Variants in SLC52A3 observed in about 807,000 individuals in gnomAD.
SLC52A3 encodes solute carrier family 52, riboflavin transporter, member 3.
In SLC52A3, 20 loss-of-function variants were observed where a neutral mutation model predicts 29.5. That is an observed-to-expected ratio of 0.68 (90% CI 0.48 to 0.99). The LOEUF (loss-of-function observed/expected upper bound fraction) is 0.99, where lower values mean the gene tolerates loss of function less well. Ranked by LOEUF, SLC52A3 falls within the 50% of genes least tolerant of loss-of-function variation. SLC52A3 has a pLI of 0.00. For synonymous variants in SLC52A3, 301 were observed against 271.0 expected (o/e 1.11, Z -1.09); for missense variants, 548 against 612.9 (o/e 0.89, Z 1.12).
intron 2 of SLC52A3, among the ~76,000 whole-genome samples, chr20:764,866 A>C (rs947488439): frequency 5.3e-5 from 8 of 152,228 alleles, no homozygotes; most frequent in Non-Finnish European, 4.4e-5. Context: ...TTTTATCTGC[A>C]TAACAGTGCA....
chr20:779,390 C>T (rs182539391), upstream of SLC52A3, among the ~76,000 whole-genome samples: 1 of 152,166 alleles, frequency 6.6e-6, no homozygotes, highest in Non-Finnish European at 1.5e-5. Context: ...GGGAGGCCAA[C>T]GCGGGTGGAT....
At chr20:770,518 C>G (rs1599964129), upstream of SLC52A3, among the ~76,000 whole-genome samples, 1 of 152,162 alleles carries the variant, frequency 6.6e-6, no homozygotes, top group East Asian at 1.9e-4. The surrounding 1 kb of genome is among the most constrained non-coding windows in gnomAD (Gnocchi z 4.5). Flanking sequence ...GAAGTTATTT[C>G]TAACCAGAAC....
At position 761,746 on chromosome 20, in the gene SLC52A3, G is replaced by A. The variant is rs762756504; in HGVS notation, c.1152C>T (p.Ser384=). The change falls in exon 4 of 5, where the codon AGC becomes AGT. Residue 384 remains serine, a synonymous_variant. Transcript: ENST00000645534. Reference sequence around the variant, plus strand: ...AGTGGCCCTGCAAGAGGGGGCAGGGGCTCATCACCGCCATGGCCATGTTGT... The same window carrying A: ...AGTGGCCCTGCAAGAGGGGGCAGGGACTCATCACCGCCATGGCCATGTTGT... ...GGYNMAMAVM[S]PCPLLQGHWG... is the part of the protein sequence containing the mutation. 2.3e-5 allele frequency: 37 copies of A among 1,614,082 alleles called. 1 individual carries two copies. The South Asian group carries it at 3.4e-4, about 15-fold the overall frequency.
intron 1 of SLC52A3, among the ~76,000 whole-genome samples, chr20:775,305 C>T (rs907444753): frequency 2.1e-5 from 3 of 144,212 alleles, no homozygotes; most frequent in Non-Finnish European, 3.0e-5. Context: ...GACAGGATGT[C>T]GCTCTGTCAC....
At position 763,520 on chromosome 20, in the gene SLC52A3, C is replaced by T. The variant is rs1210434851; in HGVS notation, c.1051G>A (p.Val351Ile). The change falls in exon 3 of 5, where the codon GTC (valine) becomes ATC (isoleucine). Residue 351 changes from valine to isoleucine, a missense_variant. Transcript: ENST00000645534. ...CACCTGTTAGGCAGGAACATGGAGACCAACGAGGCAAGAGGGTTGGCCACA... is the reference window on the plus strand; with the variant it reads ...CACCTGTTAGGCAGGAACATGGAGATCAACGAGGCAAGAGGGTTGGCCACA... The part of the protein sequence containing the change: ...SIVANPLASL[V>I]SMFLPNRSLL... 6.2e-7 allele frequency: 1 copy of T among 1,614,036 alleles called. No homozygotes were observed. The highest frequency in any genetic ancestry group is 1.3e-5 in the African/African-American group (1 of 75,040).
intron 4 of SLC52A3, 111 bp from the exon 5 acceptor site, chr20:761,349 G>T: frequency 8.2e-7 from 1 of 1,222,478 alleles, no homozygotes; most frequent in South Asian, 1.5e-5. Context: ...CTCTAGGTGC[G>T]AGGAGCGCCT....
Position 760,535 on chromosome 20 carries a change from T to G in SLC52A3, c.*491A>C, listed in dbSNP as rs1986420103. On this transcript the variant is annotated 3_prime_UTR_variant, in exon 5 of 5. Transcript: ENST00000645534. This position sits in a 1 kb window ranked among gnomAD's most constrained non-coding sequence, Gnocchi z 4.9. Reference sequence around the variant, plus strand: ...TGCCACTCTTGTTACTACGATGGACTGTCAGATCAGCAGGTGGCCCAGGAG... The same window carrying G: ...TGCCACTCTTGTTACTACGATGGACGGTCAGATCAGCAGGTGGCCCAGGAG... 1 of 168,176 alleles carries G rather than the reference T, an allele frequency of 5.9e-6. No homozygotes were observed. Among genetic ancestry groups the G allele is most frequent in the Non-Finnish European group, 1.3e-5 (1 of 77,094 alleles). The allele number at this position is 168,176 out of a possible 1,614,324, so 10.4% of individuals were successfully genotyped here.
rs142265627 is a variant in SLC52A3 at position 763,706 on chromosome 20, C to T, written c.865G>A (p.Glu289Lys). ...VDSSQGQGYL[E>K]EKAAPCCPAH... Reference sequence around the variant, plus strand: ...GGGCAGCAGGGGGCTGCTTTCTCCTCTAGATACCCCTGGCCCTGGCTGCTG... The same window carrying T: ...GGGCAGCAGGGGGCTGCTTTCTCCTTTAGATACCCCTGGCCCTGGCTGCTG... The change falls in exon 3 of 5, where the codon GAG (glutamate) becomes AAG (lysine). Residue 289 changes from glutamate to lysine, a missense_variant. This residue lies in a region of SLC52A3 where 375 missense variants were observed against 471.1 expected (regional missense o/e 0.80). Coordinates refer to ENST00000645534, the MANE Select transcript of SLC52A3 (RefSeq NM_033409.4). 110 of 1,614,162 alleles carry T rather than the reference C, an allele frequency of 6.8e-5. No homozygotes were observed. The African/African-American group carries it at 1.4e-3, about 20-fold the overall frequency.
upstream of SLC52A3, among the ~76,000 whole-genome samples, chr20:771,228 T>A (rs1986833731): frequency 6.6e-6 from 1 of 152,110 alleles, no homozygotes; most frequent in African/African-American, 2.4e-5. Context: ...AAGACCAGCC[T>A]CCAACTGGTC....
chr20:761,090 G>T lies in SLC52A3; in HGVS notation c.1346C>A (p.Pro449His). 1.9e-6 allele frequency: 3 copies of T among 1,609,420 alleles called. No individual in the cohort carries two copies. Among genetic ancestry groups the T allele is most frequent in the Non-Finnish European group, 2.5e-6 (3 of 1,178,532 alleles). Reference protein sequence around the residue: ...GSLLGALLMFPLVNVLRLFSS... With the variant: ...GSLLGALLMFHLVNVLRLFSS... ...GAAGAGCCGCAGCACGTTGACCAGA[G>T]GGAACATGAGCAGCGCTCCGAGCAG... The change falls in exon 5 of 5, where the codon CCT becomes CAT. Residue 449 changes from proline to histidine, a missense_variant. This residue lies in a region of SLC52A3 where 173 missense variants were observed against 141.8 expected (regional missense o/e 1.22). Coordinates refer to ENST00000645534, the MANE Select transcript of SLC52A3 (RefSeq NM_033409.4).
chr20:777,825 G>A (rs1157717112), upstream of SLC52A3, among the ~76,000 whole-genome samples: 1 of 152,116 alleles, frequency 6.6e-6, no homozygotes, highest in African/African-American at 2.4e-5. Flanking sequence ...AAACCAGAAT[G>A]TGCCACCCCC....
intron 3 of SLC52A3, among the ~76,000 whole-genome samples, chr20:762,920 G>A (rs539321409): frequency 9.2e-5 from 14 of 152,328 alleles, no homozygotes; most frequent in African/African-American, 1.4e-4. Flanking sequence ...CCTCAGAACC[G>A]TCTGGTTTCC....
upstream of SLC52A3, among the ~76,000 whole-genome samples, chr20:772,637 T>G (rs1986879186): frequency 6.6e-6 from 1 of 152,048 alleles, no homozygotes; most frequent in Non-Finnish European, 1.5e-5. Flanking sequence ...TACAGTGACC[T>G]TGCAGTTCTT....
chr20:770,629 A>G (rs1986819037), upstream of SLC52A3, among the ~76,000 whole-genome samples: 1 of 152,252 alleles, frequency 6.6e-6, no homozygotes, highest in East Asian at 1.9e-4. The surrounding 1 kb of genome is among the most constrained non-coding windows in gnomAD (Gnocchi z 4.5). Flanking sequence ...TAGGAATGCT[A>G]GGATTTGCTA....
intron 3 of SLC52A3, among the ~76,000 whole-genome samples, chr20:762,540 A>G (rs1399836732): frequency 6.6e-6 from 1 of 152,198 alleles, no homozygotes; most frequent in Admixed American, 6.5e-5. Flanking sequence ...CGCCCTGGGT[A>G]AGAACAGACA....
chr20:762,168 C>T (rs948666466), intron 3 of SLC52A3, among the ~76,000 whole-genome samples: 1 of 152,214 alleles, frequency 6.6e-6, no homozygotes, highest in South Asian at 2.1e-4. Flanking sequence ...CCTCCAGGAG[C>T]AGAGCATGCA....
upstream of SLC52A3, among the ~76,000 whole-genome samples, chr20:779,162 A>G (rs1278259472): frequency 1.3e-5 from 2 of 152,228 alleles, no homozygotes. Flanking sequence ...GAGAATTTAT[A>G]TAAAAATAAT....
At chr20:768,680 C>T (rs1338539066), upstream of SLC52A3, 1 of 152,320 alleles carries the variant, frequency 6.6e-6, no homozygotes, top group Non-Finnish European at 1.5e-5. Flanking sequence ...AGGAGCCACT[C>T]CTGGGGTGTA....
chr20:765,512 A>T lies in SLC52A3; in HGVS notation c.263T>A (p.Ile88Asn). 6.3e-7 allele frequency: 1 copy of T among 1,583,184 alleles called. No homozygotes were observed. The highest frequency in any genetic ancestry group is 8.6e-7 in the Non-Finnish European group (1 of 1,164,548). The change falls in exon 2 of 5, where the codon ATC becomes AAC. Residue 88 changes from isoleucine (I) to asparagine (N), a missense_variant. Physicochemically the swap from Ile to Asn is moderately radical, Grantham distance 149 (BLOSUM62 -3). Transcript: ENST00000645534. The surrounding 1 kb of genome is among the most constrained non-coding windows in gnomAD (Gnocchi z 6.6). ...GGTCATATTCCAGAGGAAGGCAAAG[A>T]TGATGCAGGTGACGGTTCCCACGCC... ...LLGVGTVTCIIFAFLWNMTSW... is the reference protein window; with the variant it reads ...LLGVGTVTCINFAFLWNMTSW...
Sources: gnomAD v4.1 joint callset for allele counts (sites outside exome capture counted in the v4.1 genomes callset) on GRCh38, gnomAD v4.1.1 for gene constraint, gnomAD v4.1.1 regional missense constraint, Gnocchi (gnomAD v3.1) non-coding constraint, MANE v1.5 for transcripts, NCBI Gene and HGNC (gene_info 2026-07-23, HGNC 2026-07-21) for gene names.